ZC3H3: variants seen among roughly 807,000 people sequenced by gnomAD.
The protein encoded by ZC3H3 is zinc finger CCCH domain-containing protein 3.
Under a neutral mutation model 77.3 loss-of-function variants are expected in ZC3H3, and 36 were observed. The observed-to-expected ratio is 0.47, with a 90% confidence interval of 0.36 to 0.61. ZC3H3 has a LOEUF of 0.61. Among genes scored for constraint, ZC3H3 ranks in the 20% least tolerant of loss-of-function variants. ZC3H3 has a pLI of 0.00. For synonymous variants in ZC3H3, 626 were observed against 555.2 expected, an observed-to-expected ratio of 1.13 and a Z score of -1.79; for missense variants, 1,331 against 1,312.2, an observed-to-expected ratio of 1.01 and a Z score of -0.22.
intron 4 of ZC3H3, among the ~76,000 whole-genome samples, chr8:143,490,136 G>A (rs2129963254): frequency 6.6e-6 from 1 of 152,330 alleles, no homozygotes; most frequent in Admixed American, 6.5e-5. Flanking sequence ...CGGGGGTGAA[G>A]GGGGCCATGA....
intron 3 of ZC3H3, among the ~76,000 whole-genome samples, chr8:143,528,015 G>T (rs1822474816): frequency 1.3e-5 from 2 of 152,184 alleles, no homozygotes; most frequent in Admixed American, 1.3e-4. Context: ...TCCAGCACCG[G>T]ACATGGGGCT....
At chr8:143,534,789 T>C (rs754499233) in intron 3 of ZC3H3, among the ~76,000 whole-genome samples, 20 of 152,156 alleles carry the variant, frequency 1.3e-4, no homozygotes, top group Non-Finnish European at 2.5e-4. Context: ...GCTTGCTCCC[T>C]GTCACCAGGA....
At chr8:143,471,270 G>A (rs1200839749) in intron 5 of ZC3H3, among the ~76,000 whole-genome samples, 1 of 152,274 alleles carries the variant, frequency 6.6e-6, no homozygotes, top group East Asian at 1.9e-4. Flanking sequence ...GGCACATGGA[G>A]GCTGTGCCCT....
At chr8:143,496,816 A>G in intron 4 of ZC3H3, among the ~76,000 whole-genome samples, 1 of 152,250 alleles carries the variant, frequency 6.6e-6, no homozygotes, top group African/African-American at 2.4e-5. Flanking sequence ...CTGAGGCCAC[A>G]CCAGTGCTGC....
chr8:143,523,015 C>T (rs1276162136), intron 3 of ZC3H3, among the ~76,000 whole-genome samples: 1 of 152,196 alleles, frequency 6.6e-6, no homozygotes, highest in Non-Finnish European at 1.5e-5. Context: ...ATACACAGAA[C>T]CTGAGCCCCC....
At chr8:143,446,435 ATGTT>A (rs1819864942) in intron 9 of ZC3H3, among the ~76,000 whole-genome samples, 1 of 152,226 alleles carries the variant, frequency 6.6e-6, no homozygotes, top group Non-Finnish European at 1.5e-5. Flanking sequence ...ATGTATTTTT[ATGTT>A]TGTTTATGTT....
rs747552339 is a variant in ZC3H3 at position 143,533,402 on chromosome 8, C to T, written c.1561+2855G>A. Among the ~76,000 whole-genome samples, 12 of 152,192 alleles carry T rather than the reference C, an allele frequency of 7.9e-5. No homozygotes were observed. Among genetic ancestry groups the T allele is most frequent in the Non-Finnish European group, 1.6e-4 (11 of 68,034 alleles). The stretch of plus-strand genomic sequence containing the variant: ...CTCTCTGCAGCTGGCCCTGTGCTCT[C>T]CCCCTGCCTGTTCCTCAGAAGGCAT... On this transcript the variant is annotated intron_variant, in intron 3 of 11. Coordinates refer to ENST00000262577, the MANE Select transcript of ZC3H3 (RefSeq NM_015117.3). The surrounding 1 kb of genome is among the most constrained non-coding windows in gnomAD (Gnocchi z 4.0).
chr8:143,442,690 T>A (rs1819778382), intron 9 of ZC3H3, among the ~76,000 whole-genome samples: 1 of 152,190 alleles, frequency 6.6e-6, no homozygotes, highest in Admixed American at 6.5e-5. Flanking sequence ...ACACAGCCAG[T>A]GTGAGCTGAG....
Position 143,475,440 on chromosome 8 carries a change from C to T in ZC3H3, c.1861G>A (p.Gly621Ser), listed in dbSNP as rs758548200. The stretch of plus-strand genomic sequence containing the variant: ...CTGCTGCCCGCATCACTGGGCTGGC[C>T]GGAGGTCTTGGAGAGCTTGTTGGCA... ...VSANKLSKTS[G>S]QPSDAGSRPL... Residue 621 changes from glycine (G) to serine (S), a missense_variant, in exon 5 of 12, where the codon GGC becomes AGC. Transcript: ENST00000262577. 19 of 1,613,022 alleles carry T rather than the reference C, an allele frequency of 1.2e-5. No individual in the cohort carries two copies. The highest frequency in any genetic ancestry group is 3.3e-5 in the South Asian group (3 of 91,080).
chr8:143,524,184 T>C (rs910814870), intron 3 of ZC3H3, among the ~76,000 whole-genome samples: 6 of 152,208 alleles, frequency 3.9e-5, no homozygotes, highest in African/African-American at 9.6e-5. Flanking sequence ...TGGAGCAACA[T>C]GGCCGGCACA....
Position 143,468,436 on chromosome 8 carries a change from C to T in ZC3H3, c.2051G>A (p.Arg684His), listed in dbSNP as rs532632406. ...MYYNRFGRCN[R>H]GERCPYIHDP... Reference sequence around the variant, plus strand: ...GTGGATGTAGGGGCAGCGCTCGCCACGGTTGCACCTGCCGAAGCGGTTGTA... The same window carrying T: ...GTGGATGTAGGGGCAGCGCTCGCCATGGTTGCACCTGCCGAAGCGGTTGTA... Residue 684 changes from arginine (R) to histidine (H), a missense_variant, in exon 7 of 12, where the codon CGT becomes CAT. Physicochemically the swap from Arg to His is conservative, Grantham distance 29 (BLOSUM62 0). Around this residue, in one of 3 missense-constraint regions of ZC3H3, gnomAD observed 104 missense variants for 159.7 expected, o/e 0.65. Coordinates refer to ENST00000262577, the MANE Select transcript of ZC3H3 (RefSeq NM_015117.3). The T allele has an allele frequency of 1.4e-5, 23 of 1,611,134 alleles. No homozygotes were observed. Among genetic ancestry groups the T allele is most frequent in the Middle Eastern group, 1.7e-4 (1 of 6,050 alleles).
Position 143,539,103 on chromosome 8 carries a change from G to C in ZC3H3, c.264C>G (p.Ala88=). ...NRPPGPSDPP[A]DHAVRPLHGA... ...CGTGCAACGGCCGCACAGCATGGTCGGCAGGAGGGTCTGAGGGTCCCGGGG... is the reference window on the plus strand; with the variant it reads ...CGTGCAACGGCCGCACAGCATGGTCCGCAGGAGGGTCTGAGGGTCCCGGGG... The change falls in exon 2 of 12, where the codon GCC becomes GCG. Residue 88 remains alanine (A), a synonymous_variant. Coordinates refer to ENST00000262577, the MANE Select transcript of ZC3H3 (RefSeq NM_015117.3). 6.2e-7 allele frequency: 1 copy of C among 1,612,860 alleles called. No homozygotes were observed. The highest frequency in any genetic ancestry group is 8.5e-7 in the Non-Finnish European group (1 of 1,179,980).
In ZC3H3 at chr8:143,493,566, G is replaced by C. The variant is rs997335415; in HGVS notation, c.1715+14180C>G. Among the ~76,000 whole-genome samples, 1 of 152,198 alleles carries C rather than the reference G, an allele frequency of 6.6e-6. No homozygotes were observed. The highest frequency in any genetic ancestry group is 1.5e-5 in the Non-Finnish European group (1 of 68,032). Reference sequence around the variant, plus strand: ...CACTGCCAAGGACTCCACTCACAAAGCCGAAAGGCCTGCCTGCCTCAAACA... The same window carrying C: ...CACTGCCAAGGACTCCACTCACAAACCCGAAAGGCCTGCCTGCCTCAAACA... On this transcript the variant is annotated intron_variant, in intron 4 of 11. Transcript: ENST00000262577. This position sits in a 1 kb window ranked among gnomAD's most constrained non-coding sequence, Gnocchi z 4.8.
At chr8:143,534,910 T>C (rs531677845) in intron 3 of ZC3H3, among the ~76,000 whole-genome samples, 1 of 151,820 alleles carries the variant, frequency 6.6e-6, no homozygotes, top group South Asian at 2.1e-4. Context: ...CCCGGCTGCA[T>C]CGCCCCATTC....
intron 8 of ZC3H3, among the ~76,000 whole-genome samples, chr8:143,467,805 A>C (rs1586892884): frequency 6.0e-4 from 1 of 1,654 alleles, no homozygotes; most frequent in Non-Finnish European, 1.6e-3. Context: ...CTCTCCACCC[A>C]GCCCCCTCAC....
At chr8:143,454,458 T>C (rs891891227) in intron 9 of ZC3H3, among the ~76,000 whole-genome samples, 1 of 150,330 alleles carries the variant, frequency 6.7e-6, no homozygotes, top group Non-Finnish European at 1.5e-5. Flanking sequence ...TGGAGTGCAG[T>C]GGCGCAGTCT....
chr8:143,440,495 G>A (rs1819711954), intron 10 of ZC3H3, 132 bp from the exon 11 acceptor site: 2 of 1,417,224 alleles, frequency 1.4e-6, no homozygotes, highest in South Asian at 3.2e-5. Flanking sequence ...TGGAGGCACA[G>A]GTCAGGCCTG....
chr8:143,507,602 G>A (rs759816903), intron 4 of ZC3H3, 144 bp downstream of exon 4: 6 of 1,010,288 alleles, frequency 5.9e-6, no homozygotes, highest in Non-Finnish European at 7.9e-6. Flanking sequence ...AATCAGGCTG[G>A]TCCCCAGCCA....
At chr8:143,478,549 A>G (rs979031773) in intron 4 of ZC3H3, among the ~76,000 whole-genome samples, 2 of 152,084 alleles carry the variant, frequency 1.3e-5, no homozygotes, top group Non-Finnish European at 2.9e-5. Flanking sequence ...TGCTCTTGTG[A>G]CCCAGGCTAG....
Sources: gnomAD v4.1 joint callset for allele counts (sites outside exome capture counted in the v4.1 genomes callset) on GRCh38, gnomAD v4.1.1 for gene constraint, gnomAD v4.1.1 regional missense constraint, Gnocchi (gnomAD v3.1) non-coding constraint, MANE v1.5 for transcripts, NCBI Gene and HGNC (gene_info 2026-07-23, HGNC 2026-07-21) for gene names.